The following CACNA1E variants were observed in gnomAD, a reference collection of about 807,000 sequenced individuals.
CACNA1E encodes the protein voltage-dependent R-type calcium channel subunit alpha-1E.
CACNA1E carries 40 observed loss-of-function variants against 259.2 expected under a neutral mutation model. The ratio of observed to expected loss-of-function variants is 0.15; its 90% confidence interval spans 0.12 to 0.20. The LOEUF (loss-of-function observed/expected upper bound fraction) is 0.20. Ranked by LOEUF, CACNA1E falls within the 10% of genes least tolerant of loss-of-function variation. The pLI is 1.00. For synonymous variants in CACNA1E, 1,104 were observed against 1,138.5 expected (o/e 0.97, Z 0.61); for missense variants, 1,874 against 3,040.1 (o/e 0.62, Z 9.02).
intron 2 of CACNA1E, among the ~76,000 whole-genome samples, chr1:181,415,580 T>G (rs900884720): frequency 1.3e-5 from 2 of 152,116 alleles, no homozygotes; most frequent in African/African-American, 2.4e-5. Flanking sequence ...GGTCATCATC[T>G]CCATAGAATG....
chr1:181,631,061 T>C (rs533511662), intron 6 of CACNA1E, among the ~76,000 whole-genome samples: 1 of 152,294 alleles, frequency 6.6e-6, no homozygotes, highest in South Asian at 2.1e-4. Flanking sequence ...CCAGGGCTCT[T>C]TGAAGGCCTA....
intron 7 of CACNA1E, among the ~76,000 whole-genome samples, chr1:181,696,092 A>G (rs1238984148): frequency 2.0e-5 from 3 of 152,238 alleles, no homozygotes; most frequent in Non-Finnish European, 4.4e-5. Flanking sequence ...ATAAACAATG[A>G]AATCAAAACA....
At chr1:181,527,949 G>T (rs1667485249) in intron 3 of CACNA1E, among the ~76,000 whole-genome samples, 1 of 151,252 alleles carries the variant, frequency 6.6e-6, no homozygotes, top group South Asian at 2.1e-4. Context: ...ACTTCTTTCT[G>T]TATTGATCAG....
At chr1:181,704,141 C>T (rs1373788834) in intron 7 of CACNA1E, among the ~76,000 whole-genome samples, 6 of 152,138 alleles carry the variant, frequency 3.9e-5, no homozygotes, top group Admixed American at 2.0e-4. Context: ...CCTAAGTCTC[C>T]TTAAATCCTT....
intron 3 of CACNA1E, among the ~76,000 whole-genome samples, chr1:181,571,934 T>C (rs923339200): frequency 3.9e-5 from 6 of 152,196 alleles, no homozygotes; most frequent in Non-Finnish European, 7.4e-5. Flanking sequence ...GTGTAACTGA[T>C]AGATTTAGCA....
rs1558159851 is a variant in CACNA1E, at chr1:181,590,437, T to TATATATATATATATA, written c.951+9661_951+9662insATATATATATATATA. On this transcript the variant is annotated intron_variant, in intron 6 of 47. Coordinates refer to ENST00000367573, the MANE Select transcript of CACNA1E (RefSeq NM_001205293.3). ...AAAAAATATATATATATATATATATTGTATTTGACTGATGAGTACAGCTTT... is the reference window on the plus strand; with the variant it reads ...AAAAAATATATATATATATATATATTATATATATATATATAGTATTTGACTGATGAGTACAGCTTT... 1.4e-4 allele frequency among the ~76,000 whole-genome samples: 20 copies of TATATATATATATATA among 143,440 alleles called. 1 individual carries two copies. Among genetic ancestry groups the TATATATATATATATA allele is most frequent in the African/African-American group, 5.4e-4 (19 of 35,400 alleles). 94.1% of individuals were successfully genotyped at this position (143,440 alleles called of 152,430 possible).
At chr1:181,528,878 A>C (rs1384751772) in intron 3 of CACNA1E, among the ~76,000 whole-genome samples, 1 of 152,240 alleles carries the variant, frequency 6.6e-6, no homozygotes, top group Admixed American at 6.5e-5. Context: ...AAAAGTTCAG[A>C]AAATTGGCAA....
chr1:181,570,682 T>G (rs1372541768), intron 3 of CACNA1E, among the ~76,000 whole-genome samples: 1 of 152,206 alleles, frequency 6.6e-6, no homozygotes, highest in Non-Finnish European at 1.5e-5. Flanking sequence ...TCCTCTATCT[T>G]CAGAGTCAGA....
intron 7 of CACNA1E, among the ~76,000 whole-genome samples, chr1:181,663,279 C>G (rs1478244036): frequency 6.6e-6 from 1 of 152,148 alleles, no homozygotes; most frequent in African/African-American, 2.4e-5. Flanking sequence ...GAGGCAGGTA[C>G]TGCTGTTAAC....
chr1:181,630,624 C>G (rs1187001137), intron 6 of CACNA1E, among the ~76,000 whole-genome samples: 2 of 152,044 alleles, frequency 1.3e-5, no homozygotes, highest in Non-Finnish European at 2.9e-5. Flanking sequence ...TTACTGAACA[C>G]CACCTATGCT....
intron 7 of CACNA1E, among the ~76,000 whole-genome samples, chr1:181,695,757 C>T (rs773057244): frequency 2.0e-5 from 3 of 152,068 alleles, no homozygotes; most frequent in East Asian, 1.9e-4. Context: ...GTCAGGAGTT[C>T]GAGACCAGCC....
At chr1:181,542,293 C>G (rs1365584213) in intron 3 of CACNA1E, among the ~76,000 whole-genome samples, 1 of 152,168 alleles carries the variant, frequency 6.6e-6, no homozygotes, top group Non-Finnish European at 1.5e-5. Context: ...AGCCACGAAG[C>G]TTGCTTTTCA....
intron 1 of CACNA1E, among the ~76,000 whole-genome samples, chr1:181,403,018 G>T (rs1657214893): frequency 6.6e-6 from 1 of 152,146 alleles, no homozygotes; most frequent in African/African-American, 2.4e-5. Flanking sequence ...TTGAGTTCAA[G>T]AAATGGAACT....
At chr1:181,592,150 C>T (rs907150138) in intron 6 of CACNA1E, among the ~76,000 whole-genome samples, 12 of 152,198 alleles carry the variant, frequency 7.9e-5, no homozygotes, top group African/African-American at 2.9e-4. Flanking sequence ...GCCTTCTCCC[C>T]CAGACCTAAA....
At chr1:181,681,997 T>A (rs1414332948) in intron 7 of CACNA1E, among the ~76,000 whole-genome samples, 3 of 152,146 alleles carry the variant, frequency 2.0e-5, no homozygotes, top group Non-Finnish European at 4.4e-5. Context: ...AAAGAGAAGC[T>A]CTGGAGGTCC....
chr1:181,751,954 G>C, intron 26 of CACNA1E, 189 bp from the exon 27 acceptor site: 2 of 694,002 alleles, frequency 2.9e-6, no homozygotes, highest in Non-Finnish European at 5.3e-6. Flanking sequence ...GAAGTGATTT[G>C]AGAATATTCC....
chr1:181,782,764 AGCTT>A (rs1407577448), intron 39 of CACNA1E, among the ~76,000 whole-genome samples: 8 of 152,252 alleles, frequency 5.3e-5, no homozygotes, highest in South Asian at 2.1e-4. Context: ...CCTCGTGCAC[AGCTT>A]AGGGGCTGGC....
At chr1:181,515,988 T>A (rs72731241) in intron 3 of CACNA1E, among the ~76,000 whole-genome samples, 10,515 of 152,020 alleles carry the variant, frequency 0.069, 556 homozygotes, top group South Asian at 0.25. Context: ...TTGGCCTGGC[T>A]GAGCCAGGCA....
intron 26 of CACNA1E, among the ~76,000 whole-genome samples, chr1:181,751,201 A>G (rs1034033473): frequency 3.3e-5 from 5 of 152,254 alleles, no homozygotes; most frequent in African/African-American, 1.2e-4. Context: ...ATTGAATGCA[A>G]ATATCTCAGG....
Sources: allele counts gnomAD v4.1 joint callset (sites outside exome capture counted in the v4.1 genomes callset), GRCh38; gene constraint gnomAD v4.1.1; transcripts MANE v1.5; gene names NCBI Gene and HGNC (gene_info 2026-07-23, HGNC 2026-07-21).